LRP5: variants seen among roughly 807,000 people sequenced by gnomAD.
LRP5 encodes the protein LDL receptor related protein 5, also known as low-density lipoprotein receptor-related protein 5.
In LRP5, 62 loss-of-function variants were observed where a neutral mutation model predicts 154.1. The ratio of observed to expected loss-of-function variants is 0.40; its 90% CI spans 0.33 to 0.50. The LOEUF is 0.50. Ranked by LOEUF, LRP5 falls within the 20% of genes least tolerant of loss-of-function variation. The pLI, the probability that LRP5 is intolerant of heterozygous loss-of-function variation, is 0.55. For synonymous variants in LRP5, 966 were observed against 1,011.5 expected (o/e 0.96, Z 0.85); for missense variants, 1,915 against 2,336.7 (o/e 0.82, Z 3.72).
At chr11:68,373,508 C>T (rs2098635560) in intron 5 of LRP5, among the ~76,000 whole-genome samples, 1 of 152,154 alleles carries the variant, frequency 6.6e-6, no homozygotes, top group Non-Finnish European at 1.5e-5. Flanking sequence ...CCTGAAGTGA[C>T]CCCCATGAGA....
intron 1 of LRP5, 135 bp from the exon 2 acceptor site, chr11:68,347,712 G>A: frequency 9.2e-7 from 1 of 1,087,568 alleles, no homozygotes; most frequent in Non-Finnish European, 1.4e-6. Context: ...CGCCTTAGGG[G>A]TGGGAGGAAG....
At chr11:68,355,003 G>C (rs748572068) in intron 2 of LRP5, among the ~76,000 whole-genome samples, 16 of 152,190 alleles carry the variant, frequency 1.1e-4, no homozygotes, top group Non-Finnish European at 2.2e-4. Flanking sequence ...TGTTTGGTTC[G>C]AGGCTCCTAT....
chr11:68,438,728 A>T (rs761243699), intron 20 of LRP5, 46 bp downstream of exon 20: 1 of 1,570,920 alleles, frequency 6.4e-7, no homozygotes, highest in South Asian at 1.1e-5. Flanking sequence ...GCAGGAGAGT[A>T]GTCTGGGCAG....
chr11:68,415,155 A>G (rs564477513), intron 12 of LRP5, among the ~76,000 whole-genome samples: 1 of 152,318 alleles, frequency 6.6e-6, no homozygotes, highest in East Asian at 1.9e-4. Flanking sequence ...GGAGAGGCCA[A>G]CGGATGTTCT....
chr11:68,373,920 C>T (rs2098635837), intron 5 of LRP5, among the ~76,000 whole-genome samples: 2 of 152,142 alleles, frequency 1.3e-5, no homozygotes, highest in South Asian at 2.1e-4. Flanking sequence ...GGCTTAGCGG[C>T]GTGCACCATG....
intron 5 of LRP5, among the ~76,000 whole-genome samples, chr11:68,368,085 G>T (rs992645203): frequency 1.4e-5 from 2 of 144,096 alleles, no homozygotes; most frequent in African/African-American, 5.2e-5. Context: ...AAAAAAAAAT[G>T]CAGCTCGTCC....
chr11:68,439,794 T>G lies in LRP5; in HGVS notation c.4366T>G (p.Ser1456Ala), dbSNP rs748395047. 6.2e-7 allele frequency: 1 copy of G among 1,611,618 alleles called. No homozygotes were observed. Among genetic ancestry groups the G allele is most frequent in the South Asian group, 1.1e-5 (1 of 90,510 alleles). ...CCTGCCAGGCATCGCATGCGGAAAG[T>G]CCATGATGAGCTCCGTGAGCCTGAT... ...GPFTGIACGKSMMSSVSLMGG... is the reference protein window; with the variant it reads ...GPFTGIACGKAMMSSVSLMGG... Residue 1456 changes from serine (S) to alanine (A), a missense_variant, in exon 21 of 23, where the codon TCC (serine) becomes GCC (alanine). Around this residue, in one of 3 missense-constraint regions of LRP5, gnomAD observed 1,094 missense variants for 1,210.1 expected, o/e 0.90. Transcript: ENST00000294304.
chr11:68,355,863 C>T (rs1162195013), intron 2 of LRP5, among the ~76,000 whole-genome samples: 8 of 151,840 alleles, frequency 5.3e-5, no homozygotes, highest in Admixed American at 2.0e-4. Context: ...TTTTTTGAGA[C>T]GGAGTGTTGC....
At chr11:68,394,007 G>A (rs372184851) in intron 7 of LRP5, among the ~76,000 whole-genome samples, 1 of 152,062 alleles carries the variant, frequency 6.6e-6, no homozygotes, top group South Asian at 2.1e-4. Flanking sequence ...GTCACACAGC[G>A]AGCAGGGGGT....
Position 68,382,550 on chromosome 11 carries a change from G to T in LRP5, c.1016-3766G>T, listed in dbSNP as rs914289235. On this transcript the variant is annotated intron_variant, in intron 5 of 22. Transcript: ENST00000294304. ...GTCTCTGCCCTGTGACCCCAAGGGC[G>T]TCCTGAGGGCAGATTCCAAGTCTGT... Among the ~76,000 whole-genome samples, 3 of 152,180 alleles carry T rather than the reference G, an allele frequency of 2.0e-5. No homozygotes were observed. The East Asian group carries it at 5.8e-4, about 29-fold the overall frequency.
At chr11:68,366,808 T>G (rs1432419592) in intron 5 of LRP5, among the ~76,000 whole-genome samples, 15 of 152,132 alleles carry the variant, frequency 9.9e-5, no homozygotes, top group Non-Finnish European at 2.2e-4. Flanking sequence ...TTGGGCGGCC[T>G]AGTCCTCACG....
intron 1 of LRP5, among the ~76,000 whole-genome samples, chr11:68,337,249 G>A (rs1000643015): frequency 6.6e-6 from 1 of 152,170 alleles, no homozygotes; most frequent in Non-Finnish European, 1.5e-5. Flanking sequence ...AGAGGAGCCC[G>A]GAAGCAGACC....
At position 68,448,880 on chromosome 11, in the gene LRP5, G is replaced by T. The variant is rs2098682878; in HGVS notation, c.4658G>T (p.Ser1553Ile). 1 of 1,613,100 alleles carries T rather than the reference G, an allele frequency of 6.2e-7. No homozygotes were observed. ...ACCGACGTGTGTGACAGCGACTACA[G>T]CGCCAGCCGCTGGAAGGCCAGCAAG... ...CSTDVCDSDY[S>I]ASRWKASKYY... Residue 1553 changes from serine to isoleucine, a missense_variant, in exon 23 of 23, where the codon AGC becomes ATC. By Grantham distance (142) the Ser-to-Ile change is moderately radical. This residue lies in a region of LRP5 where 1,094 missense variants were observed against 1,210.1 expected (regional missense o/e 0.90). Transcript: ENST00000294304.
chr11:68,372,676 A>T (rs2098634921), intron 5 of LRP5, among the ~76,000 whole-genome samples: 1 of 152,142 alleles, frequency 6.6e-6, no homozygotes, highest in African/African-American at 2.4e-5. Flanking sequence ...TGTGCTGAGC[A>T]GCGTGATGGT....
At chr11:68,322,150 C>T (rs995727125) in intron 1 of LRP5, among the ~76,000 whole-genome samples, 11 of 152,326 alleles carry the variant, frequency 7.2e-5, no homozygotes, top group East Asian at 1.9e-4. Flanking sequence ...CTGCCCTGGC[C>T]GCCTCCTCAC....
At chr11:68,392,645 G>A (rs2098646983) in intron 7 of LRP5, among the ~76,000 whole-genome samples, 1 of 152,056 alleles carries the variant, frequency 6.6e-6, no homozygotes, top group South Asian at 2.1e-4. Context: ...ATGCCCACCG[G>A]CACTCACGCC....
At chr11:68,305,799 C>A in the LRP5 span, among the ~76,000 whole-genome samples, 1 of 152,196 alleles carries the variant, frequency 6.6e-6, no homozygotes, top group Admixed American at 6.5e-5. Flanking sequence ...CAAGCCACTA[C>A]CTCTCTGACT....
chr11:68,394,583 A>G (rs1053309416), intron 7 of LRP5, among the ~76,000 whole-genome samples: 8 of 151,504 alleles, frequency 5.3e-5, no homozygotes, highest in African/African-American at 1.9e-4. Context: ...CTCCTGCCTC[A>G]GCCTCCCGCG....
chr11:68,427,397 A>G (rs2098669383), intron 16 of LRP5, among the ~76,000 whole-genome samples: 1 of 152,122 alleles, frequency 6.6e-6, no homozygotes. Flanking sequence ...AAAAGGGACC[A>G]GGCTGGGCTT....
Sources: allele counts gnomAD v4.1 joint callset (sites outside exome capture counted in the v4.1 genomes callset), GRCh38; gene constraint gnomAD v4.1.1; regional missense constraint gnomAD v4.1.1; transcripts MANE v1.5; gene names NCBI Gene and HGNC (gene_info 2026-07-23, HGNC 2026-07-21).